TBC1D5: variants seen among roughly 807,000 people sequenced by gnomAD.
The protein encoded by TBC1D5 is TBC1 domain family, member 5.
TBC1D5 carries 75 observed loss-of-function variants against 100.3 expected under a neutral mutation model. The ratio of observed to expected loss-of-function variants is 0.75; its 90% CI spans 0.62 to 0.91. TBC1D5 has a LOEUF of 0.91. TBC1D5 is among the 40% of genes least tolerant of loss of function. The pLI, the probability that TBC1D5 is intolerant of heterozygous loss-of-function variation, is 0.00. For synonymous variants in TBC1D5, 323 were observed against 325.6 expected (o/e 0.99, Z 0.09); for missense variants, 910 against 942.4 (o/e 0.97, Z 0.45).
At chr3:17,237,478 A>G (rs984740420) in intron 17 of TBC1D5, among the ~76,000 whole-genome samples, 1 of 152,196 alleles carries the variant, frequency 6.6e-6, no homozygotes, top group Non-Finnish European at 1.5e-5. Flanking sequence ...AAGCTCTGGA[A>G]AGGCCCTAAC....
intron 1 of TBC1D5, chr3:17,699,842 T>C (rs1346956485): frequency 6.6e-6 from 1 of 151,662 alleles, no homozygotes; most frequent in Admixed American, 6.6e-5. Flanking sequence ...GAAAGTTTTC[T>C]CATCTATTCT....
rs2075642927 is a variant in TBC1D5 at position 17,233,872 on chromosome 3, A to G, written c.1588+4291T>C. The G allele has an allele frequency of 9.4e-6, 5 of 530,438 alleles. No homozygotes were observed. In the East Asian group the frequency reaches 1.6e-4, roughly 17 times the overall value. The allele number at this position is 530,438 out of a possible 1,614,324, so 32.9% of individuals were successfully genotyped here. A position where few individuals can be genotyped will look rare whatever the true frequency, so the allele number is the denominator to read the frequency against. On this transcript the variant is annotated intron_variant, in intron 17 of 21. Transcript: ENST00000253692. ...TACTAAAAATATAGTACAAAAGAAA[A>G]TAATGCACAAGCTTAGAAAAATATA...
intron 1 of TBC1D5, among the ~76,000 whole-genome samples, chr3:17,659,982 C>T (rs1004111310): frequency 4.0e-5 from 6 of 151,834 alleles, no homozygotes; most frequent in Non-Finnish European, 7.4e-5. Flanking sequence ...CTTCCTTTGG[C>T]GGAGGGACAA....
chr3:17,416,223 T>C (rs913480411), intron 4 of TBC1D5, among the ~76,000 whole-genome samples: 1 of 152,204 alleles, frequency 6.6e-6, no homozygotes, highest in South Asian at 2.1e-4. Context: ...AGATGAGCAC[T>C]AAGCAAGTAA....
intron 1 of TBC1D5, among the ~76,000 whole-genome samples, chr3:17,641,626 ATCT>A (rs907509235): frequency 6.6e-6 from 1 of 152,050 alleles, no homozygotes; most frequent in Non-Finnish European, 1.5e-5. Context: ...ACTGCTACTA[ATCT>A]TCTACATTCT....
chr3:17,701,543 G>C (rs967065419), intron 1 of TBC1D5, among the ~76,000 whole-genome samples: 8 of 152,150 alleles, frequency 5.3e-5, no homozygotes, highest in Admixed American at 3.3e-4. Flanking sequence ...GCGGAGTTGG[G>C]AAGATCGCTT....
At position 17,668,174 on chromosome 3, in the gene TBC1D5, T is replaced by C. The variant is rs62248299; in HGVS notation, c.-100-44261A>G. Among the ~76,000 whole-genome samples the C allele has an allele frequency of 6.5e-3, 957 of 148,188 alleles. 5 individuals are homozygous for C. The highest frequency in any genetic ancestry group is 0.011 in the Non-Finnish European group (765 of 67,130). On this transcript the variant is annotated intron_variant, in intron 1 of 21. Coordinates refer to ENST00000253692, the Ensembl canonical transcript of TBC1D5. ...TAAAAATATATATATATATTTAAGATATATATATATATCTTAAATCTCCCA... is the reference window on the plus strand; with the variant it reads ...TAAAAATATATATATATATTTAAGACATATATATATATCTTAAATCTCCCA...
At chr3:17,468,105 A>C (rs2150074760) in intron 3 of TBC1D5, among the ~76,000 whole-genome samples, 1 of 152,398 alleles carries the variant, frequency 6.6e-6, no homozygotes, top group Non-Finnish European at 1.5e-5. Context: ...CAAAGGTCAG[A>C]GGAATCCAGT....
At chr3:17,629,600 A>C (rs2063331171) in intron 1 of TBC1D5, among the ~76,000 whole-genome samples, 2 of 152,232 alleles carry the variant, frequency 1.3e-5, no homozygotes, top group Non-Finnish European at 2.9e-5. Flanking sequence ...CTTTGCTACT[A>C]AACACTGAGG....
chr3:17,481,222 C>A (rs7427909), intron 3 of TBC1D5, among the ~76,000 whole-genome samples: 2,502 of 152,314 alleles, frequency 0.016, 48 homozygotes, highest in South Asian at 0.047. Context: ...GCACCTAGGG[C>A]TGCCCGCCCC....
chr3:17,361,282 T>C (rs2091682426), intron 13 of TBC1D5, among the ~76,000 whole-genome samples: 1 of 152,054 alleles, frequency 6.6e-6, no homozygotes, highest in South Asian at 2.1e-4. Flanking sequence ...GGATGTTTCA[T>C]TATTAATCCC....
chr3:17,381,463 A>G (rs2092942581), intron 9 of TBC1D5, among the ~76,000 whole-genome samples: 1 of 152,078 alleles, frequency 6.6e-6, no homozygotes, highest in Non-Finnish European at 1.5e-5. Flanking sequence ...AAGGTTCACA[A>G]TGAAAGCCAA....
chr3:17,698,759 A>T (rs1260904542), intron 1 of TBC1D5, among the ~76,000 whole-genome samples: 11 of 150,302 alleles, frequency 7.3e-5, no homozygotes, highest in Non-Finnish European at 1.6e-4. Flanking sequence ...TTCTCAAAAG[A>T]AGACATTTAT....
At chr3:17,294,797 C>T (rs2082089571) in intron 14 of TBC1D5, among the ~76,000 whole-genome samples, 1 of 152,162 alleles carries the variant, frequency 6.6e-6, no homozygotes, top group African/African-American at 2.4e-5. Context: ...AAAATCCACA[C>T]TTTTAGAAAT....
At chr3:17,691,238 C>A (rs935977529) in intron 1 of TBC1D5, among the ~76,000 whole-genome samples, 1 of 152,074 alleles carries the variant, frequency 6.6e-6, no homozygotes. Context: ...CCTGTAACAC[C>A]TTTATAGTCA....
chr3:17,701,515 G>C (rs2073199719), intron 1 of TBC1D5, among the ~76,000 whole-genome samples: 2 of 152,112 alleles, frequency 1.3e-5, no homozygotes, highest in Admixed American at 1.3e-4. Context: ...CACAACTGTA[G>C]TTCCAGCTAC....
chr3:17,174,588 TTTG>T (rs58787705), intron 19 of TBC1D5, among the ~76,000 whole-genome samples: 7 of 151,582 alleles, frequency 4.6e-5, no homozygotes, highest in South Asian at 2.1e-4. Flanking sequence ...CTGTTTTGTC[TTTG>T]TTGTTGTTGT....
At chr3:17,532,535 A>G (rs1005305511) in intron 2 of TBC1D5, among the ~76,000 whole-genome samples, 18 of 152,212 alleles carry the variant, frequency 1.2e-4, no homozygotes, top group Admixed American at 5.9e-4. Context: ...ACACATGCAC[A>G]CGTATGTTTA....
intron 8 of TBC1D5, among the ~76,000 whole-genome samples, chr3:17,400,197 C>T (rs1027632788): frequency 3.9e-5 from 6 of 152,002 alleles, no homozygotes; most frequent in African/African-American, 7.2e-5. Flanking sequence ...TGGAACATAG[C>T]GATGCTCCAT....
Sources: allele counts gnomAD v4.1 joint callset (sites outside exome capture counted in the v4.1 genomes callset), GRCh38; gene constraint gnomAD v4.1.1; transcripts MANE v1.5; gene names NCBI Gene and HGNC (gene_info 2026-07-23, HGNC 2026-07-21).